LYPLAL1: variants seen among roughly 807,000 people sequenced by gnomAD.
LYPLAL1 encodes lysophospholipase like 1, also known as lysophospholipase-like protein 1.
In LYPLAL1, 23 loss-of-function variants were observed where a neutral mutation model predicts 19.7. The observed-to-expected ratio is 1.17, with a 90% CI of 0.84 to 1.65. LYPLAL1 has a LOEUF of 1.65. Among genes scored for constraint, LYPLAL1 ranks in the 40% most tolerant of loss-of-function variants. The pLI, the probability that LYPLAL1 is intolerant of heterozygous loss-of-function variation, is 0.00. For synonymous variants in LYPLAL1, 119 were observed against 96.3 expected (o/e 1.24, Z -1.38); for missense variants, 355 against 279.4 (o/e 1.27, Z -1.93).
At chr1:219,192,989 T>C in intron 2 of LYPLAL1, 93 bp from the exon 3 acceptor site, 1 of 1,262,896 alleles carries the variant, frequency 7.9e-7, no homozygotes, top group East Asian at 2.5e-5. Context: ...TGAAATCATT[T>C]ATTCAAAACA....
downstream of LYPLAL1, among the ~76,000 whole-genome samples, chr1:219,214,917 T>G (rs1039795126): frequency 3.9e-5 from 6 of 152,166 alleles, no homozygotes; most frequent in African/African-American, 1.4e-4. Context: ...CTCAAACTCC[T>G]GACCTCAAGT....
At chr1:219,214,675 C>T (rs1659223760), downstream of LYPLAL1, among the ~76,000 whole-genome samples, 1 of 136,692 alleles carries the variant, frequency 7.3e-6, no homozygotes, top group Non-Finnish European at 1.5e-5. Context: ...TTTAAACCAG[C>T]AATTTTTCTT....
At chr1:219,208,842 A>G (rs1658777686) in intron 3 of LYPLAL1, among the ~76,000 whole-genome samples, 1 of 152,100 alleles carries the variant, frequency 6.6e-6, no homozygotes, top group Non-Finnish European at 1.5e-5. Context: ...AAAAAACAAT[A>G]AAGTTGAGAT....
chr1:219,300,208 T>A, the LYPLAL1 span, among the ~76,000 whole-genome samples: 1 of 152,096 alleles, frequency 6.6e-6, no homozygotes, highest in South Asian at 2.1e-4. Flanking sequence ...GGTCTCAAAC[T>A]CCTTGGCTCA....
chr1:219,342,179 G>A, the LYPLAL1 span, among the ~76,000 whole-genome samples: 4 of 152,060 alleles, frequency 2.6e-5, no homozygotes, highest in African/African-American at 7.2e-5. Context: ...ACTAGCTGCT[G>A]AGAAACAATT....
At chr1:219,264,559 T>C in the LYPLAL1 span, among the ~76,000 whole-genome samples, 1 of 152,210 alleles carries the variant, frequency 6.6e-6, no homozygotes, top group South Asian at 2.1e-4. Context: ...TTATGGTCTT[T>C]GGGTCTGTCT....
chr1:219,177,004 C>A (rs933559769), intron 1 of LYPLAL1, among the ~76,000 whole-genome samples: 1 of 152,170 alleles, frequency 6.6e-6, no homozygotes, highest in African/African-American at 2.4e-5. Flanking sequence ...ACAAGGAAAG[C>A]AGGATAAGGG....
chr1:219,285,748 C>T, the LYPLAL1 span, among the ~76,000 whole-genome samples: 1 of 152,038 alleles, frequency 6.6e-6, no homozygotes, highest in African/African-American at 2.4e-5. Flanking sequence ...TGCTAATTGG[C>T]ATAAGGTTTT....
At chr1:219,196,887 C>T (rs1657648576) in intron 3 of LYPLAL1, among the ~76,000 whole-genome samples, 1 of 152,042 alleles carries the variant, frequency 6.6e-6, no homozygotes, top group African/African-American at 2.4e-5. Flanking sequence ...CATGAATGAA[C>T]TCCCATGCAC....
At chr1:219,344,868 G>A in the LYPLAL1 span, among the ~76,000 whole-genome samples, 1 of 152,140 alleles carries the variant, frequency 6.6e-6, no homozygotes, top group African/African-American at 2.4e-5. Context: ...TATCCTATAT[G>A]TACATTAAAC....
At chr1:219,298,539 A>G in the LYPLAL1 span, among the ~76,000 whole-genome samples, 1 of 152,218 alleles carries the variant, frequency 6.6e-6, no homozygotes, top group East Asian at 1.9e-4. Flanking sequence ...TCTCTCCCCC[A>G]TATTTCCTAG....
chr1:219,444,881 T>C, the LYPLAL1 span, among the ~76,000 whole-genome samples: 2 of 152,220 alleles, frequency 1.3e-5, no homozygotes, highest in Non-Finnish European at 2.9e-5. Context: ...TCCCATTATT[T>C]TTTTTTAAAC....
chr1:219,322,288 T>C, the LYPLAL1 span, among the ~76,000 whole-genome samples: 1 of 152,184 alleles, frequency 6.6e-6, no homozygotes. Context: ...ATTTGCTCAG[T>C]TGATAAATGT....
the LYPLAL1 span, among the ~76,000 whole-genome samples, chr1:219,372,942 T>C: frequency 6.6e-6 from 1 of 152,096 alleles, no homozygotes; most frequent in African/African-American, 2.4e-5. Flanking sequence ...ATTATTTTTC[T>C]CCAGGAAAGC....
chr1:219,307,301 G>A, the LYPLAL1 span, among the ~76,000 whole-genome samples: 1 of 152,040 alleles, frequency 6.6e-6, no homozygotes, highest in Non-Finnish European at 1.5e-5. Context: ...TCCCACACAA[G>A]ATTTCACACT....
chr1:219,303,807 T>A, the LYPLAL1 span, among the ~76,000 whole-genome samples: 70,487 of 151,892 alleles, frequency 0.46, 16,397 homozygotes, highest in Admixed American at 0.48. Context: ...CAGGTGTGAA[T>A]GACATCATAG....
chr1:219,430,952 C>T, the LYPLAL1 span, among the ~76,000 whole-genome samples: 1 of 152,118 alleles, frequency 6.6e-6, no homozygotes, highest in Non-Finnish European at 1.5e-5. Flanking sequence ...GTGGGGATTA[C>T]AGACATGACC....
chr1:219,369,985 T>A, the LYPLAL1 span, among the ~76,000 whole-genome samples: 3 of 151,924 alleles, frequency 2.0e-5, no homozygotes, highest in Non-Finnish European at 2.9e-5. Context: ...AAAAGAAGAG[T>A]GTTTAAGGTA....
At chr1:219,372,173 A>G in the LYPLAL1 span, among the ~76,000 whole-genome samples, 1 of 152,170 alleles carries the variant, frequency 6.6e-6, no homozygotes, top group Non-Finnish European at 1.5e-5. Flanking sequence ...ATTCCAAAGG[A>G]CTACCCTCCT....
Sources: allele counts gnomAD v4.1 joint callset (sites outside exome capture counted in the v4.1 genomes callset), GRCh38; gene constraint gnomAD v4.1.1; transcripts MANE v1.5; gene names NCBI Gene and HGNC (gene_info 2026-07-23, HGNC 2026-07-21).